Variants in SLIT3 observed in about 807,000 individuals in gnomAD.
The protein encoded by SLIT3 is slit guidance ligand 3.
SLIT3 carries 68 observed loss-of-function variants against 184.0 expected under a neutral mutation model. The ratio of observed to expected loss-of-function variants is 0.37; its 90% CI spans 0.30 to 0.45. The LOEUF (loss-of-function observed/expected upper bound fraction) is 0.45. Among genes scored for constraint, SLIT3 ranks in the 20% least tolerant of loss-of-function variants. SLIT3 has a pLI of 1.00. For synonymous variants in SLIT3, 831 were observed against 828.6 expected, an observed-to-expected ratio of 1.00 and a Z score of -0.05; for missense variants, 1,707 against 2,026.0, an observed-to-expected ratio of 0.84 and a Z score of 3.02.
intron 1 of SLIT3, 149 bp from the exon 2 acceptor site, chr5:169,251,608 C>T (rs1438133802): frequency 7.8e-6 from 5 of 638,364 alleles, no homozygotes; most frequent in Admixed American, 6.5e-5. Flanking sequence ...GCCCGGCTAA[C>T]CTTAAGGATA....
chr5:169,297,105 T>C (rs555572141), intron 1 of SLIT3, among the ~76,000 whole-genome samples: 2 of 152,368 alleles, frequency 1.3e-5, no homozygotes, highest in South Asian at 4.1e-4. Context: ...AATGTTTGGT[T>C]TCAGGCACCG....
chr5:168,921,553 TAA>T (rs1262466826), intron 4 of SLIT3, among the ~76,000 whole-genome samples: 2 of 152,184 alleles, frequency 1.3e-5, no homozygotes, highest in African/African-American at 4.8e-5. Context: ...TCTCTTTTAT[TAA>T]AAGAGTTATT....
chr5:169,117,769 T>C (rs1018765276), intron 4 of SLIT3, among the ~76,000 whole-genome samples: 4 of 152,362 alleles, frequency 2.6e-5, no homozygotes, highest in African/African-American at 9.6e-5. Context: ...AGGAGAACTC[T>C]GTTTCTCCTA....
chr5:168,980,781 G>T (rs938213209), intron 4 of SLIT3, among the ~76,000 whole-genome samples: 21 of 152,182 alleles, frequency 1.4e-4, no homozygotes, highest in Admixed American at 2.0e-4. Context: ...GGTACTGATT[G>T]AATTTAGCAT....
chr5:168,711,081 A>G (rs1218711256), intron 24 of SLIT3, 23 bp from the exon 25 acceptor site: 2 of 1,541,668 alleles, frequency 1.3e-6, no homozygotes, highest in Non-Finnish European at 1.8e-6. Context: ...ACAGGAAGTC[A>G]GGGCCCCCTG....
Position 168,795,561 on chromosome 5 carries a change from G to A in SLIT3, c.953C>T (p.Ser318Phe), listed in dbSNP as rs938906884. 3.7e-6 allele frequency: 6 copies of A among 1,613,858 alleles called. No individual in the cohort carries two copies. Among genetic ancestry groups the A allele is most frequent in the Admixed American group, 1.7e-5 (1 of 60,024 alleles). Residue 318 changes from serine to phenylalanine, a missense_variant, in exon 10 of 36, where the codon TCC (serine) becomes TTC (phenylalanine). Transcript: ENST00000519560. ...GIVEIRLEQN[S>F]IKAIPAGAFT... ...GGCTCCTGCAGGGATGGCTTTGATG[G>A]AGTTCTGTTCTAGGCGTCTGGGAAA...
chr5:169,007,459 G>A (rs10076312), intron 4 of SLIT3, among the ~76,000 whole-genome samples: 1,702 of 152,270 alleles, frequency 0.011, 36 homozygotes, highest in African/African-American at 0.039. Context: ...CTTATTCTAC[G>A]TGCTTTTTGA....
rs1767658276 is a variant in SLIT3 at position 169,300,777 on chromosome 5, C to A, written c.-68G>T. On this transcript the variant is annotated 5_prime_UTR_variant, in exon 1 of 36. Coordinates refer to ENST00000519560, the MANE Select transcript of SLIT3 (RefSeq NM_003062.4). This position sits in a 1 kb window ranked among gnomAD's most constrained non-coding sequence, Gnocchi z 4.1. ...GCAAGACGCGTGGAGCCCGAGGAGG[C>A]GCGCGGGGAGCGCGGGCGGCCTGGG... 8.0e-6 allele frequency: 10 copies of A among 1,243,576 alleles called. No homozygotes were observed. Among genetic ancestry groups the A allele is most frequent in the Admixed American group, 4.3e-5 (1 of 23,318 alleles). The allele number at this position is 1,243,576 out of a possible 1,614,324, so 77.0% of individuals were successfully genotyped here.
At chr5:169,143,747 C>T (rs1036381330) in intron 4 of SLIT3, among the ~76,000 whole-genome samples, 1 of 152,096 alleles carries the variant, frequency 6.6e-6, no homozygotes, top group African/African-American at 2.4e-5. Context: ...CTGCAGTGAG[C>T]CGAGATCGTG....
At chr5:169,166,430 G>A (rs998426655) in intron 4 of SLIT3, among the ~76,000 whole-genome samples, 1 of 152,190 alleles carries the variant, frequency 6.6e-6, no homozygotes, top group Middle Eastern at 3.2e-3. Context: ...GGAGTGGGCT[G>A]AGGTGGCAGA....
intron 4 of SLIT3, among the ~76,000 whole-genome samples, chr5:168,897,893 A>T (rs1760739318): frequency 8.4e-6 from 1 of 119,006 alleles, no homozygotes; most frequent in Non-Finnish European, 2.0e-5. Flanking sequence ...GTCCTCTGAG[A>T]CACCCCCCCA....
At chr5:169,256,635 A>G (rs1581108287) in intron 1 of SLIT3, among the ~76,000 whole-genome samples, 1 of 152,316 alleles carries the variant, frequency 6.6e-6, no homozygotes, top group East Asian at 1.9e-4. Context: ...GTGGAACAGA[A>G]AGGAGGAGAA....
At position 169,300,361 on chromosome 5, in the gene SLIT3, C is replaced by A; in HGVS notation, c.197+152G>T. 2 of 1,077,004 alleles carry A rather than the reference C, an allele frequency of 1.9e-6. No individual in the cohort carries two copies. Among genetic ancestry groups the A allele is most frequent in the Non-Finnish European group, 2.4e-6 (2 of 817,038 alleles). The allele number at this position is 1,077,004 out of a possible 1,614,324, so 66.7% of individuals were successfully genotyped here. A position where few individuals can be genotyped will look rare whatever the true frequency, so the allele number is the denominator to read the frequency against. ...CAGATCTGACCAAGCCTACAGACCC[C>A]CAGCTCGGAGAGTGAGGGATCGTAT... On this transcript the variant is annotated intron_variant, in intron 1 of 35. Transcript: ENST00000519560. This position sits in a 1 kb window ranked among gnomAD's most constrained non-coding sequence, Gnocchi z 4.1.
At chr5:168,936,454 C>CCT (rs1439605577) in intron 4 of SLIT3, among the ~76,000 whole-genome samples, 1 of 152,110 alleles carries the variant, frequency 6.6e-6, no homozygotes, top group Non-Finnish European at 1.5e-5. Context: ...AGTCTTGTCT[C>CCT]GAACTCCTGA....
intron 5 of SLIT3, among the ~76,000 whole-genome samples, chr5:168,860,682 C>T (rs1759071186): frequency 6.6e-6 from 1 of 152,140 alleles, no homozygotes; most frequent in African/African-American, 2.4e-5. Flanking sequence ...CTAGCTCACA[C>T]ACCAAGCCAG....
chr5:168,951,832 C>T (rs971537182), intron 4 of SLIT3, among the ~76,000 whole-genome samples: 1 of 152,128 alleles, frequency 6.6e-6, no homozygotes, highest in Admixed American at 6.6e-5. Flanking sequence ...TGAAGAGAGA[C>T]CTCTGCCAAA....
At chr5:169,199,567 A>G (rs1488812354) in intron 3 of SLIT3, among the ~76,000 whole-genome samples, 1 of 152,202 alleles carries the variant, frequency 6.6e-6, no homozygotes, top group Non-Finnish European at 1.5e-5. Context: ...CAGGCATTGT[A>G]CTGAGCACTT....
At chr5:168,767,362 G>T (rs1160151536) in intron 14 of SLIT3, among the ~76,000 whole-genome samples, 1 of 152,108 alleles carries the variant, frequency 6.6e-6, no homozygotes, top group Non-Finnish European at 1.5e-5. Context: ...CAGTCTTCTG[G>T]TTACACTGGG....
intron 25 of SLIT3, chr5:168,710,294 G>A (rs987455540): frequency 3.3e-5 from 5 of 152,066 alleles, no homozygotes; most frequent in African/African-American, 1.2e-4. Flanking sequence ...GTTACATGAA[G>A]AATGAGAAGA....
Sources: allele counts gnomAD v4.1 joint callset (sites outside exome capture counted in the v4.1 genomes callset), GRCh38; gene constraint gnomAD v4.1.1; non-coding constraint Gnocchi (gnomAD v3.1); transcripts MANE v1.5; gene names NCBI Gene and HGNC (gene_info 2026-07-23, HGNC 2026-07-21).